The following AMBRA1 variants were observed in gnomAD, a reference collection of about 807,000 sequenced individuals.
AMBRA1 encodes activating molecule in BECN1-regulated autophagy protein 1.
A neutral mutation model predicts 125.4 loss-of-function variants in AMBRA1; 47 were observed. The observed-to-expected ratio is 0.37, with a 90% confidence interval of 0.30 to 0.48. AMBRA1 has a LOEUF of 0.48. AMBRA1 is among the 20% of genes least tolerant of loss of function. The probability of loss-of-function intolerance (pLI) is 0.99; values close to 1 mark genes in which losing one functional copy is unlikely to be tolerated. For missense variants in AMBRA1, 1,331 were observed against 1,693.4 expected, an observed-to-expected ratio of 0.79 and a Z score of 3.76; for synonymous variants, 626 against 655.5, an observed-to-expected ratio of 0.95 and a Z score of 0.69.
chr11:46,512,873 A>G (rs1182006502), intron 7 of AMBRA1, 60 bp from the exon 8 acceptor site: 5 of 1,468,264 alleles, frequency 3.4e-6, no homozygotes, highest in Non-Finnish European at 3.8e-6. Context: ...GAGGTCATTC[A>G]TAAGGAAAAA....
chr11:46,548,771 T>C (rs988480236), intron 1 of AMBRA1, among the ~76,000 whole-genome samples: 3 of 152,154 alleles, frequency 2.0e-5, no homozygotes, highest in Non-Finnish European at 4.4e-5. Flanking sequence ...GGAGATTGGA[T>C]TGCTTGAGGT....
In AMBRA1 at chr11:46,540,281, G is replaced by T. The variant is rs147746253; in HGVS notation, c.2072+1664C>A. Among the ~76,000 whole-genome samples the T allele has an allele frequency of 1.5e-3, 224 of 152,294 alleles. 1 individual carries two copies. Among genetic ancestry groups the T allele is most frequent in the South Asian group, 2.9e-3 (14 of 4,820 alleles). On this transcript the variant is annotated intron_variant, in intron 7 of 17. Transcript: ENST00000683756. ...GGTATTACGGAAACAGCAACTGCTT[G>T]GTTTCTTAGAGCAGTAACTGAAGAC...
intron 11 of AMBRA1, among the ~76,000 whole-genome samples, chr11:46,488,948 G>C (rs371949641): frequency 6.6e-6 from 1 of 152,104 alleles, no homozygotes; most frequent in Admixed American, 6.5e-5. Flanking sequence ...TTGCTCTGTC[G>C]CCCAAGTGCG....
chr11:46,400,476 T>G (rs1251773909), intron 17 of AMBRA1, among the ~76,000 whole-genome samples: 2 of 58,076 alleles, frequency 3.4e-5, no homozygotes, highest in African/African-American at 1.2e-4. Context: ...TTCTATAGTT[T>G]TTTTTTTTTT....
chr11:46,454,348 G>A (rs1275329269), intron 11 of AMBRA1, among the ~76,000 whole-genome samples: 1 of 151,670 alleles, frequency 6.6e-6, no homozygotes, highest in Non-Finnish European at 1.5e-5. Flanking sequence ...ATATTCCTAT[G>A]TATCACAGCT....
chr11:46,576,594 A>G (rs2043968459), intron 1 of AMBRA1, among the ~76,000 whole-genome samples: 1 of 152,202 alleles, frequency 6.6e-6, no homozygotes, highest in African/African-American at 2.4e-5. Context: ...CGGTAACAAC[A>G]TTTCAGTATC....
intron 7 of AMBRA1, among the ~76,000 whole-genome samples, chr11:46,527,607 C>A (rs1299789220): frequency 6.7e-6 from 1 of 149,794 alleles, no homozygotes; most frequent in Non-Finnish European, 1.5e-5. Flanking sequence ...AACCAAAAAA[C>A]CCCACAAATA....
chr11:46,398,688 G>C (rs1379600837), intron 17 of AMBRA1, among the ~76,000 whole-genome samples: 1 of 152,098 alleles, frequency 6.6e-6, no homozygotes, highest in Non-Finnish European at 1.5e-5. Flanking sequence ...ATGTTAACCA[G>C]GATGTTCTTG....
At chr11:46,442,854 T>A (rs1056383485) in intron 12 of AMBRA1, among the ~76,000 whole-genome samples, 1 of 152,194 alleles carries the variant, frequency 6.6e-6, no homozygotes, top group Non-Finnish European at 1.5e-5. Flanking sequence ...CTAAGCCCTA[T>A]GGGATTATAG....
chr11:46,470,310 C>T (rs939748938), intron 11 of AMBRA1, among the ~76,000 whole-genome samples: 11 of 152,000 alleles, frequency 7.2e-5, no homozygotes, highest in East Asian at 1.9e-4. Context: ...CCAGGTTGGC[C>T]GGGCGCGGTG....
At position 46,499,922 on chromosome 11, in the gene AMBRA1, G is replaced by A. The variant is rs1166008590; in HGVS notation, c.2340-5718C>T. The stretch of plus-strand genomic sequence containing the variant: ...TCTGCCTCGGCCTCCAAAGTACTGG[G>A]ATTACAGGCATGAGCCACCGCCCCC... On this transcript the variant is annotated intron_variant, in intron 9 of 17. Transcript: ENST00000683756. Among the ~76,000 whole-genome samples the A allele has an allele frequency of 3.9e-5, 6 of 152,276 alleles. No individual in the cohort carries two copies. In the South Asian group the frequency reaches 6.2e-4, roughly 16 times the overall value.
At chr11:46,511,405 A>T (rs1951252253) in intron 8 of AMBRA1, among the ~76,000 whole-genome samples, 1 of 152,196 alleles carries the variant, frequency 6.6e-6, no homozygotes, top group South Asian at 2.1e-4. Flanking sequence ...AACTAAGAGG[A>T]TAATGAAGAA....
chr11:46,494,264 C>T lies in AMBRA1; in HGVS notation c.2340-60G>A. 3.5e-6 allele frequency: 5 copies of T among 1,430,678 alleles called. No homozygotes were observed. In the South Asian group the frequency reaches 6.2e-5, roughly 18 times the overall value. The allele number at this position is 1,430,678 out of a possible 1,614,324, so 88.6% of individuals were successfully genotyped here. On this transcript the variant is annotated intron_variant, in intron 9 of 17. Transcript: ENST00000683756. Reference sequence around the variant, plus strand: ...CACTAAGGAAGAATCATCCACCAGCCCAAAAAGGAAACATCCCCAAAATGA... The same window carrying T: ...CACTAAGGAAGAATCATCCACCAGCTCAAAAAGGAAACATCCCCAAAATGA...
At chr11:46,551,278 T>A (rs1273902179) in intron 1 of AMBRA1, among the ~76,000 whole-genome samples, 1 of 151,844 alleles carries the variant, frequency 6.6e-6, no homozygotes, top group African/African-American at 2.4e-5. Context: ...CTGTCAGTGT[T>A]TTTGAAATGG....
intron 11 of AMBRA1, among the ~76,000 whole-genome samples, chr11:46,464,841 T>G (rs1949252221): frequency 6.6e-6 from 1 of 151,486 alleles, no homozygotes; most frequent in Admixed American, 6.6e-5. Context: ...GGTCAAGAGT[T>G]TGAGACCATC....
At chr11:46,520,948 C>T (rs1951736743) in intron 7 of AMBRA1, among the ~76,000 whole-genome samples, 1 of 152,112 alleles carries the variant, frequency 6.6e-6, no homozygotes, top group Non-Finnish European at 1.5e-5. Flanking sequence ...TCTCAAGTCA[C>T]CCAGTAACTT....
intron 9 of AMBRA1, among the ~76,000 whole-genome samples, chr11:46,496,829 G>C (rs1262029530): frequency 6.6e-6 from 1 of 151,754 alleles, no homozygotes; most frequent in Non-Finnish European, 1.5e-5. Flanking sequence ...AAAGGGAAGG[G>C]GGCTGGGTGT....
intron 11 of AMBRA1, among the ~76,000 whole-genome samples, chr11:46,481,170 G>A (rs757263311): frequency 2.6e-5 from 4 of 152,086 alleles, no homozygotes; most frequent in African/African-American, 4.8e-5. Flanking sequence ...AGAGCAGCAC[G>A]GTGCAATTAC....
intron 9 of AMBRA1, among the ~76,000 whole-genome samples, chr11:46,502,222 G>A (rs965364912): frequency 1.3e-5 from 2 of 152,120 alleles, no homozygotes; most frequent in African/African-American, 4.8e-5. Flanking sequence ...TGGGACTATA[G>A]GTGGAGAAGT....
Sources: allele counts gnomAD v4.1 joint callset (sites outside exome capture counted in the v4.1 genomes callset), GRCh38; gene constraint gnomAD v4.1.1; transcripts MANE v1.5; gene names NCBI Gene and HGNC (gene_info 2026-07-23, HGNC 2026-07-21).